Variants in RGS6 observed in about 807,000 individuals in gnomAD.
RGS6 encodes regulator of G-protein signaling 6.
Under a neutral mutation model 78.5 loss-of-function variants are expected in RGS6, and 30 were observed. The observed-to-expected ratio is 0.38, with a 90% CI of 0.29 to 0.52. RGS6 has a LOEUF of 0.52. Ranked by LOEUF, RGS6 falls within the 20% of genes least tolerant of loss-of-function variation. The pLI is 0.85. For synonymous variants in RGS6, 206 were observed against 206.0 expected, an observed-to-expected ratio of 1.00 and a Z score of 0.00; for missense variants, 495 against 609.7, an observed-to-expected ratio of 0.81 and a Z score of 1.98.
intron 2 of RGS6, among the ~76,000 whole-genome samples, chr14:72,347,708 C>T (rs2078324309): frequency 6.6e-6 from 1 of 152,294 alleles, no homozygotes; most frequent in African/African-American, 2.4e-5. Flanking sequence ...CAGGAATAGT[C>T]TCTGCCTGCA....
rs192916392 is a variant in RGS6, at chr14:72,333,493, G to A, written c.85-18602G>A. ...TTGCAAATGCTCAGAACTCCAGGCAGCTCTCTGGCCCTCTTCTTTCTGTCC... is the reference window on the plus strand; with the variant it reads ...TTGCAAATGCTCAGAACTCCAGGCAACTCTCTGGCCCTCTTCTTTCTGTCC... On this transcript the variant is annotated intron_variant, in intron 2 of 17. Transcript: ENST00000553525. Among the ~76,000 whole-genome samples, 124 of 152,316 alleles carry A rather than the reference G, an allele frequency of 8.1e-4. 1 individual carries two copies. The highest frequency in any genetic ancestry group is 2.7e-3 in the African/African-American group (112 of 41,562).
chr14:72,014,590 T>G (rs917889479), intron 2 of RGS6, among the ~76,000 whole-genome samples: 1 of 152,230 alleles, frequency 6.6e-6, no homozygotes, highest in African/African-American at 2.4e-5. Context: ...TTTAATAATG[T>G]CATGAGACTT....
intron 1 of RGS6, among the ~76,000 whole-genome samples, chr14:71,959,688 C>G (rs193066146): frequency 2.1e-5 from 3 of 144,110 alleles, no homozygotes. Flanking sequence ...GTCAGAACAT[C>G]TGAGGGTGGG....
intron 2 of RGS6, among the ~76,000 whole-genome samples, chr14:72,165,351 G>C (rs941437368): frequency 6.6e-6 from 1 of 152,236 alleles, no homozygotes; most frequent in African/African-American, 2.4e-5. Flanking sequence ...AAACAAAGCA[G>C]TGCAGTAGTT....
chr14:72,052,158 A>G (rs1206972584), intron 2 of RGS6, among the ~76,000 whole-genome samples: 1 of 152,220 alleles, frequency 6.6e-6, no homozygotes, highest in Admixed American at 6.5e-5. Context: ...TCTAAGTCAG[A>G]AGAGTACATC....
intron 2 of RGS6, among the ~76,000 whole-genome samples, chr14:72,003,201 C>T (rs1211599601): frequency 6.6e-6 from 1 of 152,128 alleles, no homozygotes; most frequent in Non-Finnish European, 1.5e-5. Flanking sequence ...ACCCACTGGC[C>T]ACCAGGTACT....
intron 2 of RGS6, among the ~76,000 whole-genome samples, chr14:72,313,709 C>T (rs1351381999): frequency 6.6e-6 from 1 of 152,158 alleles, no homozygotes; most frequent in African/African-American, 2.4e-5. Flanking sequence ...GAACTAACAG[C>T]ATCATGATAC....
Position 72,133,724 on chromosome 14 carries a change from C to T in RGS6, c.84+168849C>T, listed in dbSNP as rs372475044. On this transcript the variant is annotated intron_variant, in intron 2 of 17. Transcript: ENST00000553525. ...TCTTCCTCCACTGTCAGGTAAGTCT[C>T]TGAATGTGCCTGGCTGCTCTGCTTT... Among the ~76,000 whole-genome samples the T allele has an allele frequency of 2.0e-5, 3 of 152,224 alleles. No homozygotes were observed. The East Asian group carries it at 5.8e-4, about 29-fold the overall frequency.
chr14:71,982,065 A>T (rs1205160188), intron 2 of RGS6, among the ~76,000 whole-genome samples: 1 of 151,848 alleles, frequency 6.6e-6, no homozygotes, highest in Non-Finnish European at 1.5e-5. Context: ...GCCCTCCGTC[A>T]CCCCTTTCTT....
the RGS6 span, among the ~76,000 whole-genome samples, chr14:71,923,940 T>A: frequency 6.6e-6 from 1 of 152,242 alleles, no homozygotes; most frequent in East Asian, 1.9e-4. Flanking sequence ...TCGTGATCTA[T>A]GCAGGGAATA....
At chr14:72,132,022 G>A (rs766366794) in intron 2 of RGS6, among the ~76,000 whole-genome samples, 17 of 152,126 alleles carry the variant, frequency 1.1e-4, no homozygotes, top group Admixed American at 3.3e-4. Context: ...TTTAAGATTA[G>A]TCATTTTCTT....
intron 3 of RGS6, among the ~76,000 whole-genome samples, chr14:72,411,822 TATC>T (rs1038481204): frequency 6.6e-6 from 1 of 151,848 alleles, no homozygotes; most frequent in Non-Finnish European, 1.5e-5. Context: ...CTATTGAGAT[TATC>T]ATGCGGTTTT....
intron 10 of RGS6, among the ~76,000 whole-genome samples, 186 bp downstream of exon 10, chr14:72,474,885 G>A (rs1253067505): frequency 6.6e-6 from 1 of 152,214 alleles, no homozygotes; most frequent in African/African-American, 2.4e-5. Flanking sequence ...AGGATACAGT[G>A]GCAGGTCCTC....
intron 3 of RGS6, among the ~76,000 whole-genome samples, chr14:72,395,922 C>T (rs887764416): frequency 6.6e-6 from 1 of 152,060 alleles, no homozygotes; most frequent in Non-Finnish European, 1.5e-5. Flanking sequence ...TTTCTTAATC[C>T]AGTCTATCAT....
intron 17 of RGS6, chr14:72,541,421 TC>T: frequency 2.0e-6 from 3 of 1,523,916 alleles, no homozygotes; most frequent in Non-Finnish European, 2.6e-6. Context: ...ATCCATCCCT[TC>T]CCTTCCTCGG....
intron 2 of RGS6, among the ~76,000 whole-genome samples, chr14:72,303,179 T>C (rs1177254208): frequency 6.6e-6 from 1 of 152,250 alleles, no homozygotes; most frequent in Non-Finnish European, 1.5e-5. Flanking sequence ...CTTTTCATCA[T>C]GCACCACATC....
intron 2 of RGS6, among the ~76,000 whole-genome samples, chr14:72,178,680 A>G (rs1300464669): frequency 6.6e-6 from 1 of 152,214 alleles, no homozygotes; most frequent in Non-Finnish European, 1.5e-5. Flanking sequence ...GCCCTACTCA[A>G]GGCTGGGAGG....
chr14:72,234,820 G>C (rs2050578953), intron 2 of RGS6, among the ~76,000 whole-genome samples: 1 of 151,976 alleles, frequency 6.6e-6, no homozygotes, highest in Non-Finnish European at 1.5e-5. Flanking sequence ...TCTCTTTGTG[G>C]TATCTTTGCA....
At chr14:72,042,117 CTTTTTCTTTTTCTTTT>C (rs1461056227) in intron 2 of RGS6, among the ~76,000 whole-genome samples, 1 of 125,750 alleles carries the variant, frequency 8.0e-6, no homozygotes, top group Non-Finnish European at 1.7e-5. Flanking sequence ...TTTCCTTTTT[CTTTTTCTTTTTCTTTT>C]TTTTTTTTTT....
Sources: allele counts gnomAD v4.1 joint callset (sites outside exome capture counted in the v4.1 genomes callset), GRCh38; gene constraint gnomAD v4.1.1; transcripts MANE v1.5; gene names NCBI Gene and HGNC (gene_info 2026-07-23, HGNC 2026-07-21).